Variants in SCN3A observed in about 807,000 individuals in gnomAD.
SCN3A encodes the protein sodium channel protein type 3 subunit alpha.
Under a neutral mutation model 187.6 loss-of-function variants are expected in SCN3A, and 60 were observed. The observed-to-expected ratio is 0.32, with a 90% CI of 0.26 to 0.40. The LOEUF is 0.40. Ranked by LOEUF, SCN3A falls within the 10% of genes least tolerant of loss-of-function variation. The probability of loss-of-function intolerance (pLI) is 1.00; values close to 1 mark genes in which losing one functional copy is unlikely to be tolerated. For synonymous variants in SCN3A, 788 were observed against 829.2 expected (o/e 0.95, Z 0.85); for missense variants, 1,601 against 2,428.2 (o/e 0.66, Z 7.16).
intron 21 of SCN3A, among the ~76,000 whole-genome samples, chr2:165,101,235 T>C (rs1411178665): frequency 1.3e-5 from 2 of 152,234 alleles, no homozygotes; most frequent in African/African-American, 4.8e-5. Flanking sequence ...TCCAAAACAC[T>C]TCTGGTTTTT....
chr2:165,113,245 C>A (rs1215208960), intron 20 of SCN3A, among the ~76,000 whole-genome samples, 187 bp from the exon 21 acceptor site: 1 of 152,014 alleles, frequency 6.6e-6, no homozygotes, highest in East Asian at 1.9e-4. Context: ...AAACGTCATG[C>A]CTTTAGTGAT....
rs548368094 is a variant in SCN3A at position 165,160,600 on chromosome 2, ATTCTT to A, written c.1031+1703_1031+1707del. On this transcript the variant is annotated intron_variant, in intron 9 of 27. Transcript: ENST00000283254. ...ATAAATAATAGTTAATAGGCAATAA[ATTCTT>A]TTCTTTTTTTAGAGTGTGCTTTTTT... 9.6e-4 allele frequency among the ~76,000 whole-genome samples: 137 copies of A among 142,116 alleles called. 1 individual carries two copies. In the South Asian group the frequency reaches 0.024, roughly 25 times the overall value. The allele number at this position is 142,116 out of a possible 152,430, so 93.2% of individuals were successfully genotyped here.
At chr2:165,119,931 A>G (rs2105733580) in intron 18 of SCN3A, among the ~76,000 whole-genome samples, 1 of 152,350 alleles carries the variant, frequency 6.6e-6, no homozygotes. Context: ...GCTTCCATAT[A>G]AAACCACATA....
chr2:165,163,255 CAAT>C (rs1186360850), intron 7 of SCN3A, among the ~76,000 whole-genome samples: 3 of 152,022 alleles, frequency 2.0e-5, no homozygotes, highest in African/African-American at 7.2e-5. Flanking sequence ...TGCTCTTCAA[CAAT>C]AATATTTTCT....
chr2:165,099,062 T>C (rs1292538920), intron 22 of SCN3A, among the ~76,000 whole-genome samples: 1 of 152,214 alleles, frequency 6.6e-6, no homozygotes, highest in Non-Finnish European at 1.5e-5. Context: ...ATTTCTTTGA[T>C]TACAATGATT....
chr2:165,101,960 G>A (rs1574109544), intron 21 of SCN3A, among the ~76,000 whole-genome samples: 2 of 152,190 alleles, frequency 1.3e-5, no homozygotes, highest in African/African-American at 2.4e-5. Context: ...ATAATTGATT[G>A]AGCTATTCAT....
chr2:165,111,669 A>C (rs1686126122), intron 21 of SCN3A, among the ~76,000 whole-genome samples: 2 of 152,174 alleles, frequency 1.3e-5, no homozygotes, highest in Non-Finnish European at 2.9e-5. Flanking sequence ...ATCTCCAAAA[A>C]ATATTTAAAC....
At position 165,101,514 on chromosome 2, in the gene SCN3A, C is replaced by T. The variant is rs74499906; in HGVS notation, c.3844-1090G>A. On this transcript the variant is annotated intron_variant, in intron 21 of 27. Transcript: ENST00000283254. ...GGCGATTTGAACCCAAATAATCTGACGTCAAAAGCATATCTTAACCTTTTG... is the reference window on the plus strand; with the variant it reads ...GGCGATTTGAACCCAAATAATCTGATGTCAAAAGCATATCTTAACCTTTTG... Among the ~76,000 whole-genome samples, 438 of 152,126 alleles carry T rather than the reference C, an allele frequency of 2.9e-3. 3 individuals carry two copies. Among genetic ancestry groups the T allele is most frequent in the African/African-American group, 9.6e-3 (398 of 41,518 alleles).
chr2:165,194,446 G>C (rs1691813929), intron 1 of SCN3A, among the ~76,000 whole-genome samples: 1 of 152,082 alleles, frequency 6.6e-6, no homozygotes, highest in African/African-American at 2.4e-5. Flanking sequence ...TATAAATCAT[G>C]TTCCTGAGGT....
rs571524593 is a variant in SCN3A, at chr2:165,192,266, C to G, written c.-247-5519G>C. 1.7e-4 allele frequency among the ~76,000 whole-genome samples: 26 copies of G among 152,144 alleles called. No individual in the cohort carries two copies. The South Asian group carries it at 5.2e-3, about 30-fold the overall frequency. ...ATAACTATGCCAAGTTTACTAGACT[C>G]TCTTGAAAACAAAGCAAATTGAAGA... On this transcript the variant is annotated intron_variant, in intron 1 of 27. Coordinates refer to ENST00000283254, the MANE Select transcript of SCN3A (RefSeq NM_006922.4).
chr2:165,140,648 C>T lies in SCN3A; in HGVS notation c.2019+3G>A. 2 of 1,611,990 alleles carry T rather than the reference C, an allele frequency of 1.2e-6. No individual in the cohort carries two copies. The highest frequency in any genetic ancestry group is 8.5e-7 in the Non-Finnish European group (1 of 1,178,144). On this transcript the variant is annotated splice_donor_region_variant and intron_variant, in intron 13 of 27. Transcript: ENST00000283254. The surrounding 1 kb of genome is among the most constrained non-coding windows in gnomAD (Gnocchi z 4.2). ...CAGTAGCAGCTAGGTCATCTATTAT[C>T]ACCTCTGGGGGAAGTTGTCCAGTAG...
chr2:165,121,904 T>C, intron 18 of SCN3A, among the ~76,000 whole-genome samples: 1 of 152,098 alleles, frequency 6.6e-6, no homozygotes, highest in East Asian at 1.9e-4. Context: ...TAACTGAAAA[T>C]AGTAAATTTT....
rs755690137 is a variant in SCN3A at position 165,146,906 on chromosome 2, G to T, written c.1504C>A (p.Arg502=). 1 of 1,613,756 alleles carries T rather than the reference G, an allele frequency of 6.2e-7. No individual in the cohort carries two copies. The highest frequency in any genetic ancestry group is 2.2e-5 in the East Asian group (1 of 44,852). ...SSKSAKEWRN[R]RKKRRQREHL... The stretch of plus-strand genomic sequence containing the variant: ...TCTCTCTGTCTTCTTTTCTTCCTTC[G>T]GTTCCTCCATTCTTTAGCACTTTTG... The change falls in exon 12 of 28, where the codon CGA becomes AGA. Residue 502 remains arginine (R), a synonymous_variant. Coordinates refer to ENST00000283254, the MANE Select transcript of SCN3A (RefSeq NM_006922.4).
intron 15 of SCN3A, among the ~76,000 whole-genome samples, chr2:165,136,564 A>G (rs1005102031): frequency 2.6e-5 from 4 of 152,174 alleles, no homozygotes; most frequent in Non-Finnish European, 5.9e-5. Context: ...TCCAGAGGCC[A>G]TATCACTAGT....
chr2:165,113,205 A>G (rs1407396573), intron 20 of SCN3A, 147 bp from the exon 21 acceptor site: 1 of 670,530 alleles, frequency 1.5e-6, no homozygotes, highest in Non-Finnish European at 2.5e-6. Flanking sequence ...AAATCTAAAG[A>G]CTAAACTAAG....
In SCN3A at chr2:165,147,037, A is replaced by G. The variant is rs1371349669; in HGVS notation, c.1381-8T>C. 3.1e-6 allele frequency: 5 copies of G among 1,613,786 alleles called. No individual in the cohort carries two copies. The African/African-American group carries it at 5.3e-5, about 17-fold the overall frequency. On this transcript the variant is annotated splice_region_variant and splice_polypyrimidine_tract_variant and intron_variant, in intron 11 of 27. Transcript: ENST00000283254. ...TGATGCTGCCGCAACTGCCTGTCATAAAACAAAGCCAGGCACTATTTAGAA... is the reference window on the plus strand; with the variant it reads ...TGATGCTGCCGCAACTGCCTGTCATGAAACAAAGCCAGGCACTATTTAGAA...
rs142508443 is a variant in SCN3A, at chr2:165,091,200, G to A, written c.4953C>T (p.Ser1651=). 23 of 1,613,938 alleles carry A rather than the reference G, an allele frequency of 1.4e-5. No homozygotes were observed. The African/African-American group carries it at 2.7e-4, about 19-fold the overall frequency. The stretch of plus-strand genomic sequence containing the variant: ...GGCCGATGTTAAACAACGCAGGAAG[G>A]GACATCATCAAAGCAAAGAGCAGCG... ...IRTLLFALMM[S]LPALFNIGLL... Residue 1651 remains serine, a synonymous_variant, in exon 28 of 28, where the codon TCC becomes TCT. Coordinates refer to ENST00000283254, the MANE Select transcript of SCN3A (RefSeq NM_006922.4).
Position 165,118,853 on chromosome 2 carries a change from C to T in SCN3A, c.3394-3278G>A, listed in dbSNP as rs531595962. Among the ~76,000 whole-genome samples, 9 of 152,302 alleles carry T rather than the reference C, an allele frequency of 5.9e-5. 1 individual carries two copies. In the South Asian group the frequency reaches 1.9e-3, roughly 32 times the overall value. On this transcript the variant is annotated intron_variant, in intron 18 of 27. Coordinates refer to ENST00000283254, the MANE Select transcript of SCN3A (RefSeq NM_006922.4). The stretch of plus-strand genomic sequence containing the variant: ...TCTCGGCTCACTGCAAGCTCCGCTT[C>T]CTGGGTTCACACAATTCTCCTGCCT...
At chr2:165,096,705 C>CT (rs962292000) in intron 23 of SCN3A, among the ~76,000 whole-genome samples, 185 bp from the exon 24 acceptor site, 2 of 151,700 alleles carry the variant, frequency 1.3e-5, no homozygotes, top group Admixed American at 6.6e-5. Flanking sequence ...AACTTGTTTC[C>CT]TTTTTTTTCT....
Sources: gnomAD v4.1 joint callset for allele counts (sites outside exome capture counted in the v4.1 genomes callset) on GRCh38, gnomAD v4.1.1 for gene constraint, Gnocchi (gnomAD v3.1) non-coding constraint, MANE v1.5 for transcripts, NCBI Gene and HGNC (gene_info 2026-07-23, HGNC 2026-07-21) for gene names.